Variants in BRAT1 observed in about 807,000 individuals in gnomAD.
The protein encoded by BRAT1 is integrator complex assembly factor BRAT1.
A neutral mutation model predicts 70.6 loss-of-function variants in BRAT1; 74 were observed. The ratio of observed to expected loss-of-function variants is 1.05; its 90% CI spans 0.87 to 1.27. The LOEUF is 1.27. Among genes scored for constraint, BRAT1 ranks in the 50% most tolerant of loss-of-function variants. BRAT1 has a pLI of 0.00. For synonymous variants in BRAT1, 615 were observed against 517.1 expected, an observed-to-expected ratio of 1.19 and a Z score of -2.57; for missense variants, 1,203 against 1,098.2, an observed-to-expected ratio of 1.10 and a Z score of -1.35.
chr7:2,554,220 G>T, intron 2 of BRAT1, 85 bp downstream of exon 2: 1 of 1,543,424 alleles, frequency 6.5e-7, no homozygotes, highest in Non-Finnish European at 8.8e-7. Flanking sequence ...CAGGACAGGG[G>T]AGTCCCCATC....
In BRAT1 at chr7:2,543,869, G is replaced by C; in HGVS notation, c.524C>G (p.Ser175Cys). 4 of 1,612,772 alleles carry C rather than the reference G, an allele frequency of 2.5e-6. No homozygotes were observed. The highest frequency in any genetic ancestry group is 1.7e-4 in the Middle Eastern group (1 of 6,060). ...CTGCCCCTCGGCTCCACCTCGCATGGACAAAGCCAGGACGTGCACCAGGAG... is the reference window on the plus strand; with the variant it reads ...CTGCCCCTCGGCTCCACCTCGCATGCACAAAGCCAGGACGTGCACCAGGAG... ...SQLLVHVLAL[S>C]MRGGAEGQPC... Residue 175 changes from serine (S) to cysteine (C), a missense_variant, in exon 5 of 14, where the codon TCC becomes TGC. By Grantham distance (112) the Ser-to-Cys change is moderately radical. Coordinates refer to ENST00000340611, the MANE Select transcript of BRAT1 (RefSeq NM_152743.4). The surrounding 1 kb of genome is among the most constrained non-coding windows in gnomAD (Gnocchi z 5.5).
intron 6 of BRAT1, chr7:2,542,797 T>C (rs1168576145): frequency 1.2e-5 from 2 of 172,290 alleles, no homozygotes; most frequent in African/African-American, 4.8e-5. Context: ...TTCCCACCTG[T>C]CCTGACCCCA....
chr7:2,540,084 T>C, intron 10 of BRAT1, 196 bp from the exon 11 acceptor site: 3 of 526,316 alleles, frequency 5.7e-6, no homozygotes, highest in Non-Finnish European at 1.0e-5. Context: ...TGGACTGCAA[T>C]CACAGTTCAC....
rs772509199 is a variant in BRAT1, at chr7:2,541,382, C to T, written c.1237G>A (p.Gly413Ser). 1.9e-6 allele frequency: 3 copies of T among 1,607,514 alleles called. No individual in the cohort carries two copies. The highest frequency in any genetic ancestry group is 1.7e-5 in the Admixed American group (1 of 59,650). Reference protein sequence around the residue: ...GSAAPASSVGGHLCGTLAGCV... With the variant: ...GSAAPASSVGSHLCGTLAGCV... ...CCCGCCAGGGTCCCACAGAGGTGGC[C>T]CCCCACACTGGAGGCAGGGGCAGCC... The change falls in exon 9 of 14, where the codon GGC (glycine) becomes AGC (serine). Residue 413 changes from glycine to serine, a missense_variant. Transcript: ENST00000340611.
intron 2 of BRAT1, among the ~76,000 whole-genome samples, chr7:2,552,107 T>TATATATATATATATA (rs1491344376): frequency 4.3e-3 from 65 of 15,076 alleles, no homozygotes; most frequent in South Asian, 8.3e-3. Flanking sequence ...TATATATATA[T>TATATATATATATATA]TTTTTTTTTT....
chr7:2,549,392 A>T (rs1230093252), intron 2 of BRAT1, among the ~76,000 whole-genome samples: 1 of 152,028 alleles, frequency 6.6e-6, no homozygotes, highest in East Asian at 1.9e-4. Flanking sequence ...TGGGAAGATC[A>T]CCTGAGCCCA....
Position 2,538,358 on chromosome 7 carries a change from AG to A in BRAT1, c.2176del (p.Leu726Ter), listed in dbSNP as rs1249367258. 6.2e-7 allele frequency: 1 copy of A among 1,613,252 alleles called. No individual in the cohort carries two copies. Among genetic ancestry groups the A allele is most frequent in the African/African-American group, 1.3e-5 (1 of 74,926 alleles). On this transcript the variant is annotated frameshift_variant, in exon 14 of 14. Coordinates refer to ENST00000340611, the MANE Select transcript of BRAT1 (RefSeq NM_152743.4). LOFTEE classifies it low-confidence loss of function (END_TRUNC). ...GCTGTAGGAAGCAATCTTGTCCCTC[AG>A]GAAGAGAAGGAGGTCACAAGACTTC... is the stretch of plus-strand genomic sequence containing the variant. Reference protein sequence around the residue: ...AQKSCDLLLFLRDKIASYSSL... With the variant: ...AQKSCDLLLFXRDKIASYSSL...
chr7:2,551,679 C>CAAAAAAAAAAAAAA (rs547879749), intron 2 of BRAT1, among the ~76,000 whole-genome samples: 1 of 93,422 alleles, frequency 1.1e-5, no homozygotes, highest in South Asian at 3.5e-4. Flanking sequence ...AACCCTGGCT[C>CAAAAAAAAAAAAAA]AAAAAAAAAA....
chr7:2,551,503 C>G (rs1056845441), intron 2 of BRAT1, among the ~76,000 whole-genome samples: 2 of 151,044 alleles, frequency 1.3e-5, no homozygotes, highest in African/African-American at 4.9e-5. Context: ...CTGGCCTGGA[C>G]AAGATGGTGA....
In BRAT1 at chr7:2,541,722, G is replaced by T. The variant is rs746357232; in HGVS notation, c.1130C>A (p.Pro377Gln). 80 of 1,607,060 alleles carry T rather than the reference G, an allele frequency of 5.0e-5. No individual in the cohort carries two copies. Among genetic ancestry groups the T allele is most frequent in the Non-Finnish European group, 6.5e-5 (77 of 1,178,036 alleles). ...TGAGGACCGGGCCGCACCTACCAGC[G>T]GCTGCAGCTCCTCCAGGTGAGCCAG... ...RTLAHLEELQ[P>Q]LPQRPSPWPQ... The change falls in exon 8 of 14, where the codon CCG becomes CAG. Residue 377 changes from proline (P) to glutamine (Q), a missense_variant. By Grantham distance (76) the Pro-to-Gln change is moderately conservative. Coordinates refer to ENST00000340611, the MANE Select transcript of BRAT1 (RefSeq NM_152743.4).
chr7:2,552,979 C>T (rs765187383), intron 2 of BRAT1, among the ~76,000 whole-genome samples: 1 of 151,576 alleles, frequency 6.6e-6, no homozygotes, highest in East Asian at 1.9e-4. Flanking sequence ...CTCCAGACCT[C>T]GTGATCTGCC....
chr7:2,538,573 G>T lies in BRAT1; in HGVS notation c.1962C>A (p.Gly654=), dbSNP rs778520339. 83 of 1,599,166 alleles carry T rather than the reference G, an allele frequency of 5.2e-5. No homozygotes were observed. The highest frequency in any genetic ancestry group is 7.0e-5 in the Non-Finnish European group (82 of 1,178,098). The part of the protein sequence containing the change: ...RDLDWEVRAQ[G]LELALVFLGQ... ...CCAGGAACACGAGGGCCAGCTCCAG[G>T]CCCTGGGCGCGGACCTCCCAGTCCA... Residue 654 remains glycine (G), a synonymous_variant, in exon 14 of 14, where the codon GGC becomes GGA. Coordinates refer to ENST00000340611, the MANE Select transcript of BRAT1 (RefSeq NM_152743.4).
rs1779024875 is a variant in BRAT1 at position 2,540,013 on chromosome 7, G to A, written c.1396-125C>T. On this transcript the variant is annotated intron_variant, in intron 10 of 13. Coordinates refer to ENST00000340611, the MANE Select transcript of BRAT1 (RefSeq NM_152743.4). Reference sequence around the variant, plus strand: ...CAGCAATGGGGACAGGAAGTGGAGAGAGAAGGGAACGCTGGGCTTCCTTCT... The same window carrying A: ...CAGCAATGGGGACAGGAAGTGGAGAAAGAAGGGAACGCTGGGCTTCCTTCT... 1.1e-5 allele frequency: 7 copies of A among 664,946 alleles called. No individual in the cohort carries two copies. The East Asian group carries it at 1.2e-4, about 12-fold the overall frequency. The allele number at this position is 664,946 out of a possible 1,614,324, so 41.2% of individuals were successfully genotyped here.
chr7:2,554,516 C>T, intron 1 of BRAT1, 69 bp from the exon 2 acceptor site: 1 of 1,499,588 alleles, frequency 6.7e-7, no homozygotes, highest in Non-Finnish European at 8.9e-7. Context: ...GTCACAGCAG[C>T]CCACCATGCC....
At chr7:2,551,178 T>A (rs563306535) in intron 2 of BRAT1, among the ~76,000 whole-genome samples, 16 of 150,704 alleles carry the variant, frequency 1.1e-4, no homozygotes, top group African/African-American at 2.9e-4. Context: ...GAGGCGGAGG[T>A]TGCAGTGAGC....
chr7:2,539,856 C>T lies in BRAT1; in HGVS notation c.1428G>A (p.Arg476=). ...GGGTCTTGGGTGAGCTCAGGAGCCA[C>T]CTGAGCGTGGCCTGGAAGGCCTTCT... is the stretch of plus-strand genomic sequence containing the variant. ...VLKKAFQATL[R]WLLSSPKTPG... Residue 476 remains arginine (R), a synonymous_variant, in exon 11 of 14, where the codon AGG becomes AGA. Coordinates refer to ENST00000340611, the MANE Select transcript of BRAT1 (RefSeq NM_152743.4). 1 of 1,596,534 alleles carries T rather than the reference C, an allele frequency of 6.3e-7. No homozygotes were observed. The highest frequency in any genetic ancestry group is 8.5e-7 in the Non-Finnish European group (1 of 1,173,116).
rs756489141 is a variant in BRAT1, at chr7:2,539,238, GC to G, written c.1710del (p.Gln571SerfsTer32). The G allele has an allele frequency of 2.5e-6, 4 of 1,611,240 alleles. No individual in the cohort carries two copies. In the Admixed American group the frequency reaches 6.7e-5, roughly 27 times the overall value. Reference protein sequence around the residue: ...YVRASAVTAMGQLSSQGLHAP... With the variant: ...YVRASAVTAMXQLSSQGLHAP... ...GCGTGCAGGCCCTGGCTGGACAGCT[GC>G]CCCATGGCGGTCACTGCACTCGCTC... On this transcript the variant is annotated frameshift_variant, in exon 13 of 14. Transcript: ENST00000340611. LOFTEE classifies it high-confidence loss of function.
At chr7:2,540,861 T>C (rs1012462808) in intron 10 of BRAT1, 118 bp downstream of exon 10, 1 of 1,068,382 alleles carries the variant, frequency 9.4e-7, no homozygotes, top group Admixed American at 3.8e-5. Flanking sequence ...GCAGCAGCTC[T>C]GTGGCCCTGT....
Position 2,542,101 on chromosome 7 carries a change from C to T in BRAT1, c.1015+19G>A. The T allele has an allele frequency of 6.7e-7, 1 of 1,503,730 alleles. No individual in the cohort carries two copies. The highest frequency in any genetic ancestry group is 2.4e-5 in the East Asian group (1 of 41,074). 93.1% of individuals were successfully genotyped at this position (1,503,730 alleles called of 1,614,324 possible). A position where few individuals can be genotyped will look rare whatever the true frequency, so the allele number is the denominator to read the frequency against. ...AGGGACCCAGGTTCTGCCCTCCCAG[C>T]CCTTTCTAAGCAGCACACCTGGGGG... On this transcript the variant is annotated intron_variant, in intron 7 of 13. Transcript: ENST00000340611.
Sources: gnomAD v4.1 joint callset for allele counts (sites outside exome capture counted in the v4.1 genomes callset) on GRCh38, gnomAD v4.1.1 for gene constraint, Gnocchi (gnomAD v3.1) non-coding constraint, MANE v1.5 for transcripts, NCBI Gene and HGNC (gene_info 2026-07-23, HGNC 2026-07-21) for gene names.